TCERG1L: variants seen among roughly 807,000 people sequenced by gnomAD.
The protein encoded by TCERG1L is transcription elongation regulator 1-like protein.
A neutral mutation model predicts 56.3 loss-of-function variants in TCERG1L; 37 were observed. The observed-to-expected ratio is 0.66, with a 90% confidence interval of 0.51 to 0.87. The LOEUF (loss-of-function observed/expected upper bound fraction) is 0.87. Ranked by LOEUF, TCERG1L falls within the 40% of genes least tolerant of loss-of-function variation. The pLI is 0.00. For synonymous variants in TCERG1L, 324 were observed against 326.3 expected (o/e 0.99, Z 0.08); for missense variants, 799 against 774.2 (o/e 1.03, Z -0.38).
At chr10:131,093,870 C>A (rs1029974950) in intron 11 of TCERG1L, among the ~76,000 whole-genome samples, 1 of 152,184 alleles carries the variant, frequency 6.6e-6, no homozygotes. Context: ...TCTTGTTAAA[C>A]CTCACTTGCG....
intron 4 of TCERG1L, among the ~76,000 whole-genome samples, chr10:131,170,269 A>C (rs532440545): frequency 2.8e-4 from 43 of 152,040 alleles, no homozygotes; most frequent in African/African-American, 9.9e-4. Context: ...TCCAGGGTCC[A>C]CTCTGACATG....
chr10:131,308,267 G>A lies in TCERG1L; in HGVS notation c.614C>T (p.Pro205Leu), dbSNP rs148798248. ...GGGGAGCGGCCTGGAGGCAGGAGCC[G>A]GCCTGGACAGAGACACAGCTACTTG... is the stretch of plus-strand genomic sequence containing the variant. The part of the protein sequence containing the change: ...ANQVAVSLSR[P>L]APASRPLPTV... Residue 205 changes from proline (P) to leucine (L), a missense_variant, in exon 3 of 12, where the codon CCG becomes CTG. Coordinates refer to ENST00000368642, the MANE Select transcript of TCERG1L (RefSeq NM_174937.4). 4.7e-4 allele frequency: 761 copies of A among 1,613,968 alleles called. No homozygotes were observed. The highest frequency in any genetic ancestry group is 2.2e-3 in the African/African-American group (168 of 75,036).
At chr10:131,180,088 C>T (rs1845154507) in intron 4 of TCERG1L, among the ~76,000 whole-genome samples, 1 of 152,164 alleles carries the variant, frequency 6.6e-6, no homozygotes, top group Non-Finnish European at 1.5e-5. Flanking sequence ...TAGTGACCAA[C>T]CTGCTCGACA....
chr10:131,117,024 T>C, intron 8 of TCERG1L, 90 bp from the exon 9 acceptor site: 2 of 1,456,294 alleles, frequency 1.4e-6, no homozygotes, highest in South Asian at 2.8e-5. Flanking sequence ...TCAAGGTAAC[T>C]CTTTCAGAAG....
chr10:131,250,024 C>G (rs1008602531), intron 4 of TCERG1L, among the ~76,000 whole-genome samples: 1 of 152,330 alleles, frequency 6.6e-6, no homozygotes, highest in African/African-American at 2.4e-5. Flanking sequence ...GCCAGGGACA[C>G]CCTGGAGGAA....
At chr10:131,286,922 C>T (rs1180661604) in intron 3 of TCERG1L, among the ~76,000 whole-genome samples, 1 of 152,072 alleles carries the variant, frequency 6.6e-6, no homozygotes, top group East Asian at 1.9e-4. Flanking sequence ...CAGATCGAGA[C>T]GTGTTGCGAA....
chr10:131,285,699 T>C (rs1301128665), intron 3 of TCERG1L, among the ~76,000 whole-genome samples: 1 of 152,186 alleles, frequency 6.6e-6, no homozygotes, highest in Non-Finnish European at 1.5e-5. Context: ...CATGAAGATT[T>C]TGGGTTGATT....
intron 4 of TCERG1L, among the ~76,000 whole-genome samples, chr10:131,214,527 A>AT (rs917064246): frequency 1.3e-5 from 2 of 152,164 alleles, no homozygotes; most frequent in Non-Finnish European, 2.9e-5. Context: ...TACACCTTCT[A>AT]TTTTCACTGA....
chr10:131,098,659 A>C (rs191342275), intron 10 of TCERG1L, among the ~76,000 whole-genome samples: 2 of 152,316 alleles, frequency 1.3e-5, no homozygotes, highest in East Asian at 3.9e-4. Context: ...TGCAGGCGCC[A>C]TTTCTGGGTC....
intron 4 of TCERG1L, among the ~76,000 whole-genome samples, chr10:131,231,412 G>A (rs528655007): frequency 5.3e-5 from 8 of 152,296 alleles, no homozygotes; most frequent in South Asian, 4.1e-4. Context: ...GGCGAAGGTC[G>A]CCAACCCCAG....
chr10:131,190,679 A>T (rs1845292579), intron 4 of TCERG1L, among the ~76,000 whole-genome samples: 1 of 144,018 alleles, frequency 6.9e-6, no homozygotes, highest in South Asian at 2.1e-4. Flanking sequence ...TCTTTATGAT[A>T]AAAACTCCCA....
chr10:131,310,406 A>G (rs933878062), intron 1 of TCERG1L, among the ~76,000 whole-genome samples: 4 of 152,236 alleles, frequency 2.6e-5, no homozygotes, highest in Admixed American at 2.6e-4. Context: ...GAGTTTAACA[A>G]CATCTTTTAG....
intron 4 of TCERG1L, among the ~76,000 whole-genome samples, chr10:131,249,851 C>T (rs1846087330): frequency 6.6e-6 from 1 of 152,134 alleles, no homozygotes; most frequent in Non-Finnish European, 1.5e-5. Flanking sequence ...AAGCACTCCG[C>T]CTGGCAAATA....
chr10:131,135,908 C>T (rs1454434649), intron 7 of TCERG1L, among the ~76,000 whole-genome samples: 4 of 152,242 alleles, frequency 2.6e-5, no homozygotes, highest in African/African-American at 7.2e-5. Context: ...GGAGGAGCCA[C>T]AGCCCGGGCG....
In TCERG1L at chr10:131,092,627, G is replaced by C. The variant is rs1013322876; in HGVS notation, c.*535C>G. On this transcript the variant is annotated 3_prime_UTR_variant, in exon 12 of 12. Transcript: ENST00000368642. ...CGGCCACCCTTGGAAACCTGTAAGT[G>C]ATCCACGGTCCAGGTGTGGAATGCT... 1.4e-4 allele frequency: 21 copies of C among 152,572 alleles called. No homozygotes were observed. Among genetic ancestry groups the C allele is most frequent in the African/African-American group, 5.1e-4 (21 of 41,464 alleles). 9.5% of individuals were successfully genotyped at this position (152,572 alleles called of 1,614,324 possible).
chr10:131,215,699 C>A (rs1845663212), intron 4 of TCERG1L, among the ~76,000 whole-genome samples: 2 of 152,150 alleles, frequency 1.3e-5, no homozygotes, highest in South Asian at 4.1e-4. Flanking sequence ...GAGGGGAAGT[C>A]AGCCCTCTGG....
chr10:131,231,792 G>A (rs990993396), intron 4 of TCERG1L, among the ~76,000 whole-genome samples: 2 of 152,140 alleles, frequency 1.3e-5, no homozygotes, highest in Middle Eastern at 3.2e-3. Context: ...AAAAGACCGG[G>A]ACAGCTGAGT....
rs542831978 is a variant in TCERG1L at position 131,147,618 on chromosome 10, T to A, written c.1035-958A>T. ...GGAGGTTCCCCTGGGGCAAGCCCCC[T>A]CCCCTCTCTGGGCCTCGGCTTCCTG... On this transcript the variant is annotated intron_variant, in intron 6 of 11. Coordinates refer to ENST00000368642, the MANE Select transcript of TCERG1L (RefSeq NM_174937.4). 2.3e-3 allele frequency among the ~76,000 whole-genome samples: 349 copies of A among 152,310 alleles called. 1 individual carries two copies. The highest frequency in any genetic ancestry group is 7.8e-3 in the African/African-American group (325 of 41,594).
At chr10:131,180,740 A>G (rs1845165560) in intron 4 of TCERG1L, among the ~76,000 whole-genome samples, 1 of 152,222 alleles carries the variant, frequency 6.6e-6, no homozygotes, top group Admixed American at 6.5e-5. Flanking sequence ...ATACCTTTTA[A>G]TATAACCTTC....
Sources: gnomAD v4.1 joint callset for allele counts (sites outside exome capture counted in the v4.1 genomes callset) on GRCh38, gnomAD v4.1.1 for gene constraint, MANE v1.5 for transcripts, NCBI Gene and HGNC (gene_info 2026-07-23, HGNC 2026-07-21) for gene names.